GRK3: variants seen among roughly 807,000 people sequenced by gnomAD.
GRK3 encodes G protein-coupled receptor kinase 3, also known as adrenergic, beta, receptor kinase 2.
GRK3 carries 54 observed loss-of-function variants against 95.7 expected under a neutral mutation model. The observed-to-expected ratio is 0.56, with a 90% CI of 0.45 to 0.71. GRK3 has a LOEUF of 0.71. Among genes scored for constraint, GRK3 ranks in the 30% least tolerant of loss-of-function variants. The pLI, the probability that GRK3 is intolerant of heterozygous loss-of-function variation, is 0.00. For synonymous variants in GRK3, 281 were observed against 290.8 expected (o/e 0.97, Z 0.34); for missense variants, 649 against 851.2 (o/e 0.76, Z 2.96).
intron 15 of GRK3, among the ~76,000 whole-genome samples, chr22:25,704,998 A>G (rs1601539983): frequency 1.3e-5 from 2 of 152,198 alleles, no homozygotes; most frequent in Admixed American, 6.5e-5. Flanking sequence ...CTTGCTTGGC[A>G]TAAGAAATAA....
intron 1 of GRK3, among the ~76,000 whole-genome samples, chr22:25,573,285 C>A (rs1931770791): frequency 6.6e-6 from 1 of 152,174 alleles, no homozygotes; most frequent in African/African-American, 2.4e-5. Flanking sequence ...GTAAAATTAT[C>A]ATAATTAATT....
chr22:25,709,108 G>T (rs1400763850), intron 15 of GRK3, among the ~76,000 whole-genome samples: 1 of 151,698 alleles, frequency 6.6e-6, no homozygotes, highest in Non-Finnish European at 1.5e-5. Context: ...CGCAATCTCG[G>T]TTCACTGCAA....
At chr22:25,584,411 G>A (rs1932216841) in intron 1 of GRK3, among the ~76,000 whole-genome samples, 1 of 152,216 alleles carries the variant, frequency 6.6e-6, no homozygotes, top group South Asian at 2.1e-4. Flanking sequence ...TTAGTACCTG[G>A]CTTAGGTATC....
At chr22:25,695,068 G>T (rs769627455) in intron 12 of GRK3, 39 bp from the exon 13 acceptor site, 4 of 1,475,594 alleles carry the variant, frequency 2.7e-6, no homozygotes, top group Admixed American at 3.4e-5. Flanking sequence ...TTCTAAAGTG[G>T]GCATGCTCTG....
chr22:25,608,880 C>T (rs536789047), intron 2 of GRK3, among the ~76,000 whole-genome samples: 2 of 152,182 alleles, frequency 1.3e-5, no homozygotes. Context: ...CACTAAGTTT[C>T]TGGTGACTTT....
At chr22:25,569,358 C>T (rs368883150) in intron 1 of GRK3, among the ~76,000 whole-genome samples, 6 of 152,124 alleles carry the variant, frequency 3.9e-5, no homozygotes, top group South Asian at 2.1e-4. Flanking sequence ...GCAAGGAGTG[C>T]GTGTAGATGT....
chr22:25,663,749 C>G (rs559942408), intron 5 of GRK3, 45 bp downstream of exon 5: 1 of 1,389,794 alleles, frequency 7.2e-7, no homozygotes, highest in African/African-American at 1.4e-5. Context: ...ATTTGCTTAA[C>G]ACTTGGCCTT....
chr22:25,719,885 G>A (rs964628452), intron 19 of GRK3, among the ~76,000 whole-genome samples: 2 of 152,140 alleles, frequency 1.3e-5, no homozygotes, highest in African/African-American at 4.8e-5. Context: ...TGTTAGCAAA[G>A]TTTTCATTCA....
intron 9 of GRK3, among the ~76,000 whole-genome samples, chr22:25,679,891 T>A (rs1331813028): frequency 6.6e-6 from 1 of 152,136 alleles, no homozygotes; most frequent in East Asian, 1.9e-4. Context: ...TTAAGTAAGG[T>A]CTTCACCAAA....
intron 3 of GRK3, among the ~76,000 whole-genome samples, chr22:25,653,993 T>A (rs1164763203): frequency 2.6e-5 from 4 of 152,210 alleles, no homozygotes; most frequent in Non-Finnish European, 5.9e-5. Context: ...CAGCCCACAT[T>A]CTTTAACGTA....
At chr22:25,695,829 C>T (rs960415864) in intron 13 of GRK3, among the ~76,000 whole-genome samples, 10 of 150,836 alleles carry the variant, frequency 6.6e-5, no homozygotes, top group East Asian at 3.9e-4. Flanking sequence ...CCATCACACC[C>T]GGCTAATTTT....
intron 3 of GRK3, among the ~76,000 whole-genome samples, chr22:25,652,948 A>T (rs2084844988): frequency 6.6e-6 from 1 of 152,178 alleles, no homozygotes; most frequent in Non-Finnish European, 1.5e-5. Flanking sequence ...GTAGGGGTGT[A>T]GTAGGTATAC....
At chr22:25,721,451 AG>A (rs2085431669) in intron 20 of GRK3, 54 bp downstream of exon 20, 2 of 1,001,766 alleles carry the variant, frequency 2.0e-6, no homozygotes, top group African/African-American at 3.3e-5. Flanking sequence ...TATTCAGCAA[AG>A]TTGACTGCCT....
chr22:25,709,788 A>G (rs1008512844), intron 15 of GRK3, 110 bp from the exon 16 acceptor site: 1 of 749,500 alleles, frequency 1.3e-6, no homozygotes, highest in African/African-American at 1.8e-5. Context: ...TCTTAAAGGA[A>G]AAAGTGGAAA....
intron 1 of GRK3, among the ~76,000 whole-genome samples, chr22:25,596,108 A>G (rs1177125321): frequency 1.3e-5 from 2 of 152,236 alleles, no homozygotes; most frequent in East Asian, 3.8e-4. Flanking sequence ...TAGGAATTGT[A>G]TGGAAAAACT....
At chr22:25,649,870 A>T (rs1179136692) in intron 3 of GRK3, among the ~76,000 whole-genome samples, 1 of 152,226 alleles carries the variant, frequency 6.6e-6, no homozygotes, top group African/African-American at 2.4e-5. Flanking sequence ...GTACGTTAAC[A>T]TTCATATTAA....
intron 13 of GRK3, among the ~76,000 whole-genome samples, chr22:25,701,704 A>G (rs2146452794): frequency 6.6e-6 from 1 of 152,330 alleles, no homozygotes; most frequent in Non-Finnish European, 1.5e-5. Flanking sequence ...CTGGCTTTGC[A>G]CGCAGGAGCC....
intron 2 of GRK3, among the ~76,000 whole-genome samples, chr22:25,642,792 AT>A (rs2084752981): frequency 6.6e-6 from 1 of 152,218 alleles, no homozygotes; most frequent in African/African-American, 2.4e-5. Context: ...GCAGAGGACC[AT>A]CTTGAAGAAC....
chr22:25,722,225 C>T (rs1276394646), intron 20 of GRK3, 64 bp from the exon 21 acceptor site: 4 of 1,575,384 alleles, frequency 2.5e-6, no homozygotes, highest in African/African-American at 1.3e-5. Context: ...TCAATAGGGG[C>T]AGCCTCCGCT....
Sources: allele counts gnomAD v4.1 joint callset (sites outside exome capture counted in the v4.1 genomes callset), GRCh38; gene constraint gnomAD v4.1.1; transcripts MANE v1.5; gene names NCBI Gene and HGNC (gene_info 2026-07-23, HGNC 2026-07-21).